KIF1A: variants seen among roughly 807,000 people sequenced by gnomAD.
KIF1A encodes kinesin-like protein KIF1A.
Under a neutral mutation model 227.3 loss-of-function variants are expected in KIF1A, and 46 were observed. The observed-to-expected ratio is 0.20, with a 90% CI of 0.16 to 0.26. The LOEUF (loss-of-function observed/expected upper bound fraction) is 0.26, where lower values mean the gene tolerates loss of function less well. Among genes scored for constraint, KIF1A ranks in the 10% least tolerant of loss-of-function variants. The pLI is 1.00. For synonymous variants in KIF1A, 1,022 were observed against 1,012.8 expected, an observed-to-expected ratio of 1.01 and a Z score of -0.17; for missense variants, 1,683 against 2,485.9, an observed-to-expected ratio of 0.68 and a Z score of 6.87.
Position 240,737,130 on chromosome 2 carries a change from T to C in KIF1A, c.3940A>G (p.Ile1314Val). 6.2e-7 allele frequency: 1 copy of C among 1,613,668 alleles called. No individual in the cohort carries two copies. The highest frequency in any genetic ancestry group is 8.5e-7 in the Non-Finnish European group (1 of 1,179,694). ...RNTPETDESL[I>V]DPNILSLNIL... Reference sequence around the variant, plus strand: ...TTGAGAGACAAGATGTTGGGGTCGATCAGGGACTCGTCGGTCTCTGGAGTG... The same window carrying C: ...TTGAGAGACAAGATGTTGGGGTCGACCAGGGACTCGTCGGTCTCTGGAGTG... Residue 1314 changes from isoleucine (I) to valine (V), a missense_variant, in exon 38 of 49, where the codon ATC becomes GTC. By Grantham distance (29) the Ile-to-Val change is conservative. This residue lies in a region of KIF1A where 759 missense variants were observed against 1,020.2 expected (regional missense o/e 0.74). Coordinates refer to ENST00000498729, the MANE Select transcript of KIF1A (RefSeq NM_001244008.2).
Position 240,746,185 on chromosome 2 carries a change from G to A in KIF1A, c.3064-8C>T. On this transcript the variant is annotated splice_region_variant and splice_polypyrimidine_tract_variant and intron_variant, in intron 29 of 48. Transcript: ENST00000498729. ...GCAAGACTCGGACTGGAACTGATCA[G>A]AGGGGGACCAGAGTCAGAGAGAGCC... The A allele has an allele frequency of 6.4e-7, 1 of 1,558,060 alleles. No individual in the cohort carries two copies. The highest frequency in any genetic ancestry group is 2.4e-5 in the East Asian group (1 of 41,536).
intron 1 of KIF1A, among the ~76,000 whole-genome samples, chr2:240,813,037 C>CAGCCTT (rs2058061069): frequency 6.6e-6 from 1 of 150,400 alleles, no homozygotes; most frequent in African/African-American, 2.4e-5. Context: ...CCTCAAGGAT[C>CAGCCTT]CACTTGCTCC....
chr2:240,743,274 C>T (rs2048208906), intron 33 of KIF1A, among the ~76,000 whole-genome samples: 1 of 152,182 alleles, frequency 6.6e-6, no homozygotes, highest in Non-Finnish European at 1.5e-5. Context: ...GCCTTCATTG[C>T]CCTTCTCTTT....
At chr2:240,756,508 T>G (rs1369496380) in intron 27 of KIF1A, among the ~76,000 whole-genome samples, 2 of 152,220 alleles carry the variant, frequency 1.3e-5, no homozygotes, top group Non-Finnish European at 2.9e-5. Flanking sequence ...CAACCGTGGC[T>G]TCTCATCCAT....
At chr2:240,787,961 G>T in intron 4 of KIF1A, 90 bp downstream of exon 4, 1 of 1,260,554 alleles carries the variant, frequency 7.9e-7, no homozygotes. Flanking sequence ...TCTGGGGGCT[G>T]CTCTCAGGGG....
Position 240,766,935 on chromosome 2 carries a change from T to C in KIF1A, c.1664A>G (p.Asp555Gly). The change falls in exon 19 of 49, where the codon GAC becomes GGC. Residue 555 changes from aspartate (D) to glycine (G), a missense_variant. By Grantham distance (94) the Asp-to-Gly change is moderately conservative (BLOSUM62 -1). Transcript: ENST00000498729. This position sits in a 1 kb window ranked among gnomAD's most constrained non-coding sequence, Gnocchi z 5.0. The part of the protein sequence containing the change: ...IKEEHCVFRS[D>G]SRGGSEAVVT... ...GATACCTTCGCTGCCTCCCCTGGAG[T>C]CGCTCCGGAAGACGCAGTGCTCCTC... 1 of 1,609,660 alleles carries C rather than the reference T, an allele frequency of 6.2e-7. No homozygotes were observed. The highest frequency in any genetic ancestry group is 8.5e-7 in the Non-Finnish European group (1 of 1,178,568).
rs957373477 is a variant in KIF1A, at chr2:240,717,075, T to C, written c.*289A>G. 18 of 434,538 alleles carry C rather than the reference T, an allele frequency of 4.1e-5. No homozygotes were observed. The highest frequency in any genetic ancestry group is 3.6e-4 in the African/African-American group (18 of 50,598). 26.9% of individuals were successfully genotyped at this position (434,538 alleles called of 1,614,324 possible). ...AAGTCTGTCTATGCTTAAAAAAATA[T>C]TAGAACGGCAGCAAGAACCCCCGTA... On this transcript the variant is annotated 3_prime_UTR_variant, in exon 49 of 49. Transcript: ENST00000498729.
Position 240,725,200 on chromosome 2 carries a change from G to A in KIF1A, c.4256+71C>T. On this transcript the variant is annotated intron_variant, in intron 40 of 48. Coordinates refer to ENST00000498729, the MANE Select transcript of KIF1A (RefSeq NM_001244008.2). The surrounding 1 kb of genome is among the most constrained non-coding windows in gnomAD (Gnocchi z 5.8). ...CCGGGTGGCCCAAGGACCGCTGCCAGGCAGAGCCCTGCCTGGCCCGCACCG... is the reference window on the plus strand; with the variant it reads ...CCGGGTGGCCCAAGGACCGCTGCCAAGCAGAGCCCTGCCTGGCCCGCACCG... 1.3e-6 allele frequency: 2 copies of A among 1,517,968 alleles called. No individual in the cohort carries two copies. The highest frequency in any genetic ancestry group is 1.8e-6 in the Non-Finnish European group (2 of 1,126,562). The allele number at this position is 1,517,968 out of a possible 1,614,324, so 94.0% of individuals were successfully genotyped here. A position where few individuals can be genotyped will look rare whatever the true frequency, so the allele number is the denominator to read the frequency against.
intron 24 of KIF1A, 40 bp from the exon 25 acceptor site, chr2:240,760,883 G>A: frequency 6.4e-7 from 1 of 1,572,450 alleles, no homozygotes; most frequent in Non-Finnish European, 8.6e-7. Context: ...GCTCCTTGGG[G>A]GACAGGGTGC....
chr2:240,768,550 T>G (rs979117927), intron 17 of KIF1A, among the ~76,000 whole-genome samples: 1 of 152,202 alleles, frequency 6.6e-6, no homozygotes, highest in African/African-American at 2.4e-5. Context: ...CCCAAGTGTG[T>G]GTGTCATGCC....
chr2:240,736,150 C>T lies in KIF1A; in HGVS notation c.4007+913G>A, dbSNP rs954740752. Among the ~76,000 whole-genome samples the T allele has an allele frequency of 8.5e-5, 13 of 152,150 alleles. No homozygotes were observed. Among genetic ancestry groups the T allele is most frequent in the South Asian group, 2.1e-4 (1 of 4,824 alleles). ...CCCAAGTCAGAAGAATAGGAGACGA[C>T]GCCCGCCAGGACCCTCCTTCCTTAT... On this transcript the variant is annotated intron_variant, in intron 38 of 48. Coordinates refer to ENST00000498729, the MANE Select transcript of KIF1A (RefSeq NM_001244008.2). The surrounding 1 kb of genome is among the most constrained non-coding windows in gnomAD (Gnocchi z 4.7).
chr2:240,758,440 A>G lies in KIF1A; in HGVS notation c.2502T>C (p.Ser834=). Residue 834 remains serine, a synonymous_variant, in exon 26 of 49, where the codon AGT becomes AGC. Transcript: ENST00000498729. This position sits in a 1 kb window ranked among gnomAD's most constrained non-coding sequence, Gnocchi z 5.2. ...CCACGTTGTCACAGTCCTCGATGAC[A>G]CTGGAGGGCACCTCTGCAGCGCGGT... The part of the protein sequence containing the change: ...MYDRAAEVPS[S]VIEDCDNVVT... The G allele has an allele frequency of 6.2e-7, 1 of 1,611,874 alleles. No individual in the cohort carries two copies. The highest frequency in any genetic ancestry group is 8.5e-7 in the Non-Finnish European group (1 of 1,178,876).
At chr2:240,763,965 C>A (rs950443949) in intron 20 of KIF1A, among the ~76,000 whole-genome samples, 1 of 152,218 alleles carries the variant, frequency 6.6e-6, no homozygotes, top group South Asian at 2.1e-4. Flanking sequence ...CCCTCCCACC[C>A]CAGCACCCGG....
upstream of KIF1A, chr2:240,820,268 C>T (rs1303157705): frequency 1.3e-5 from 2 of 150,074 alleles, no homozygotes; most frequent in Non-Finnish European, 3.0e-5. The surrounding 1 kb of genome is among the most constrained non-coding windows in gnomAD (Gnocchi z 6.2). Flanking sequence ...CGGACCGCCC[C>T]GCGCCCCTCC....
intron 1 of KIF1A, among the ~76,000 whole-genome samples, chr2:240,806,938 C>G (rs11681088): frequency 6.6e-6 from 1 of 151,542 alleles, no homozygotes; most frequent in East Asian, 1.9e-4. Flanking sequence ...AGGGAAACAC[C>G]CAAAGAATAT....
intron 1 of KIF1A, among the ~76,000 whole-genome samples, chr2:240,816,232 A>G (rs111986791): frequency 0.014 from 2,094 of 151,460 alleles, 40 homozygotes; most frequent in East Asian, 0.081. Context: ...GTGTGTTTGT[A>G]TGTGAATGTA....
Position 240,725,621 on chromosome 2 carries a change from C to T in KIF1A, c.4123-217G>A. ...CAGGTAGCCACAGCTCTGTCCACCC[C>T]TGGGCTGCCTGAGGGACTGGTCTCC... is the stretch of plus-strand genomic sequence containing the variant. On this transcript the variant is annotated intron_variant, in intron 39 of 48. Transcript: ENST00000498729. The surrounding 1 kb of genome is among the most constrained non-coding windows in gnomAD (Gnocchi z 5.8). The T allele has an allele frequency of 1.8e-6, 1 of 556,394 alleles. No individual in the cohort carries two copies. Among genetic ancestry groups the T allele is most frequent in the South Asian group, 2.3e-5 (1 of 43,462 alleles). The allele number at this position is 556,394 out of a possible 1,614,324, so 34.5% of individuals were successfully genotyped here. A position where few individuals can be genotyped will look rare whatever the true frequency, so the allele number is the denominator to read the frequency against.
chr2:240,775,026 C>A lies in KIF1A; in HGVS notation c.959-765G>T, dbSNP rs1175898265. On this transcript the variant is annotated intron_variant, in intron 11 of 48. Coordinates refer to ENST00000498729, the MANE Select transcript of KIF1A (RefSeq NM_001244008.2). The surrounding 1 kb of genome is among the most constrained non-coding windows in gnomAD (Gnocchi z 5.5). ...CTCTGTGGGAGGACTCCCCTGCCCC[C>A]GCCCTGGGACTGAACCTGGGTGTGC... Among the ~76,000 whole-genome samples the A allele has an allele frequency of 6.6e-6, 1 of 152,318 alleles. No individual in the cohort carries two copies. Among genetic ancestry groups the A allele is most frequent in the Non-Finnish European group, 1.5e-5 (1 of 68,018 alleles).
At chr2:240,760,958 C>T (rs1413312473) in intron 24 of KIF1A, 115 bp from the exon 25 acceptor site, 1 of 1,102,404 alleles carries the variant, frequency 9.1e-7, no homozygotes, top group Admixed American at 2.9e-5. Flanking sequence ...CACAATGGTT[C>T]ACTGGAACCT....
Sources: gnomAD v4.1 joint callset for allele counts (sites outside exome capture counted in the v4.1 genomes callset) on GRCh38, gnomAD v4.1.1 for gene constraint, gnomAD v4.1.1 regional missense constraint, Gnocchi (gnomAD v3.1) non-coding constraint, MANE v1.5 for transcripts, NCBI Gene and HGNC (gene_info 2026-07-23, HGNC 2026-07-21) for gene names.